CLUH: variants seen among roughly 807,000 people sequenced by gnomAD.
The protein encoded by CLUH is clustered mitochondria protein homolog.
In CLUH, 77 loss-of-function variants were observed where a neutral mutation model predicts 139.3. The ratio of observed to expected loss-of-function variants is 0.55; its 90% confidence interval spans 0.46 to 0.67. The LOEUF (loss-of-function observed/expected upper bound fraction) is 0.67, where lower values mean the gene tolerates loss of function less well. CLUH is among the 30% of genes least tolerant of loss of function. CLUH has a pLI of 0.00. For missense variants in CLUH, 1,876 were observed against 1,875.8 expected (o/e 1.00, Z 0.00); for synonymous variants, 999 against 801.6 (o/e 1.25, Z -4.16).
chr17:2,700,394 C>A lies in CLUH; in HGVS notation c.1254G>T (p.Arg418Ser). Residue 418 changes from arginine (R) to serine (S), a missense_variant, in exon 9 of 26, where the codon AGG (arginine) becomes AGT (serine). Arg to Ser is a moderately radical substitution (Grantham distance 110, BLOSUM62 -1). Coordinates refer to ENST00000651024, the MANE Select transcript of CLUH (RefSeq NM_001366661.1). ...AGGCTGCAGGCACCTTGAATATGGC[C>A]CTTTCTCGGAGCAGCCGCTCAGGCA... ...KNLPERLLRERAIFKVHSDFT... is the reference protein window; with the variant it reads ...KNLPERLLRESAIFKVHSDFT... 1 of 1,612,980 alleles carries A rather than the reference C, an allele frequency of 6.2e-7. No homozygotes were observed. The highest frequency in any genetic ancestry group is 1.1e-5 in the South Asian group (1 of 90,852).
rs777129865 is a variant in CLUH, at chr17:2,701,383, C to T, written c.882G>A (p.Arg294=). ...GGACTCACTGATTCAGGTAAAAGCCCCGTGTGGACGCGGTGATGCTGACTT... is the reference window on the plus strand; with the variant it reads ...GGACTCACTGATTCAGGTAAAAGCCTCGTGTGGACGCGGTGATGCTGACTT... ...DRQVSITAST[R]GFYLNQSTAY... Residue 294 remains arginine (R), a synonymous_variant, in exon 6 of 26, where the codon CGG becomes CGA. Transcript: ENST00000651024. 43 of 1,608,376 alleles carry T rather than the reference C, an allele frequency of 2.7e-5. 1 individual carries two copies. In the South Asian group the frequency reaches 4.2e-4, roughly 16 times the overall value.
In CLUH at chr17:2,690,126, C is replaced by G. The variant is rs1284850615; in HGVS notation, c.*468G>C. Reference sequence around the variant, plus strand: ...ACCCTGAACTTTCAGACAGGCTGGGCCCGGGGGTGGTGGCAGCCAAAGCAG... The same window carrying G: ...ACCCTGAACTTTCAGACAGGCTGGGGCCGGGGGTGGTGGCAGCCAAAGCAG... On this transcript the variant is annotated 3_prime_UTR_variant, in exon 26 of 26. Coordinates refer to ENST00000651024, the MANE Select transcript of CLUH (RefSeq NM_001366661.1). 6.4e-6 allele frequency: 1 copy of G among 155,984 alleles called. No individual in the cohort carries two copies. The highest frequency in any genetic ancestry group is 1.9e-4 in the East Asian group (1 of 5,298). The allele number at this position is 155,984 out of a possible 1,614,324, so 9.7% of individuals were successfully genotyped here. A position where few individuals can be genotyped will look rare whatever the true frequency, so the allele number is the denominator to read the frequency against.
Position 2,695,274 on chromosome 17 carries a change from C to T in CLUH, c.2551G>A (p.Gly851Ser), listed in dbSNP as rs370270067. 5.0e-5 allele frequency: 81 copies of T among 1,613,732 alleles called. No homozygotes were observed. Among genetic ancestry groups the T allele is most frequent in the Non-Finnish European group, 6.1e-5 (72 of 1,179,852 alleles). ...GAGCGGGTGATGAGTTCTCCAATGC[C>T]GATTTTCTGGAAGGATTCAGAAGGG... ...RHQLDHVFKI[G>S]IGELITRSAK... Residue 851 changes from glycine (G) to serine (S), a missense_variant, in exon 15 of 26, where the codon GGC becomes AGC. Physicochemically the swap from Gly to Ser is moderately conservative, Grantham distance 56. Transcript: ENST00000651024.
In CLUH at chr17:2,702,077, G is replaced by A. The variant is rs779592942; in HGVS notation, c.476-20C>T. The A allele has an allele frequency of 3.1e-6, 5 of 1,610,974 alleles. No homozygotes were observed. Among genetic ancestry groups the A allele is most frequent in the Non-Finnish European group, 3.4e-6 (4 of 1,178,820 alleles). ...ACGGCTCTGTCAGGAAGGCAGGGAG[G>A]GTATGGCGTTACCAGGGCCCTGCAC... On this transcript the variant is annotated intron_variant, in intron 3 of 25. Coordinates refer to ENST00000651024, the MANE Select transcript of CLUH (RefSeq NM_001366661.1).
chr17:2,697,824 C>T, intron 10 of CLUH, 72 bp downstream of exon 10: 1 of 1,376,800 alleles, frequency 7.3e-7, no homozygotes, highest in Non-Finnish European at 9.6e-7. Flanking sequence ...AGGACCCAAC[C>T]CCGGATCCAC....
chr17:2,702,131 G>A, intron 3 of CLUH, 74 bp from the exon 4 acceptor site: 1 of 1,538,044 alleles, frequency 6.5e-7, no homozygotes. Context: ...CACAAAACAG[G>A]TTTTGGAGGT....
At chr17:2,693,872 G>C in intron 19 of CLUH, 28 bp downstream of exon 19, 1 of 1,588,900 alleles carries the variant, frequency 6.3e-7, no homozygotes, top group South Asian at 1.1e-5. Context: ...ACGAGGCCAG[G>C]CCTTTGCTGC....
chr17:2,700,636 G>A, intron 8 of CLUH, 42 bp downstream of exon 8: 4 of 1,517,328 alleles, frequency 2.6e-6, no homozygotes, highest in Non-Finnish European at 3.5e-6. Context: ...GCACCCAGGA[G>A]GGCAGGGGTG....
At position 2,694,123 on chromosome 17, in the gene CLUH, C is replaced by A. The variant is rs897288009; in HGVS notation, c.3091G>T (p.Gly1031Cys). The change falls in exon 18 of 26, where the codon GGC becomes TGC. Residue 1031 changes from glycine to cysteine, a missense_variant and splice_region_variant. This residue lies in a region of CLUH where 1,454 missense variants were observed against 1,384.4 expected (regional missense o/e 1.05). Transcript: ENST00000651024. Reference sequence around the variant, plus strand: ...CACCCAGCCCCACCTGGCCACACACCCTGCTGCACTTTGGCCTGCCCGCTC... The same window carrying A: ...CACCCAGCCCCACCTGGCCACACACACTGCTGCACTTTGGCCTGCCCGCTC... ...FQSGQAKVQQ[G>C]FLKEGCELIN... 13 of 1,613,754 alleles carry A rather than the reference C, an allele frequency of 8.1e-6. No individual in the cohort carries two copies. The highest frequency in any genetic ancestry group is 1.0e-5 in the Non-Finnish European group (12 of 1,179,846).
Position 2,701,145 on chromosome 17 carries a change from C to T in CLUH, c.1020G>A (p.Lys340=), listed in dbSNP as rs1361167447. 9 of 1,613,858 alleles carry T rather than the reference C, an allele frequency of 5.6e-6. No individual in the cohort carries two copies. The African/African-American group carries it at 1.1e-4, about 19-fold the overall frequency. Residue 340 remains lysine, a synonymous_variant, in exon 7 of 26, where the codon AAG becomes AAA. Transcript: ENST00000651024. ...TFKKNFAVLQ[K]KRVQRHPFER... ...GGAGGGGACAAAGGCACTACCTTTT[C>T]TTCTGCAGCACAGCGAAGTTCTTCT...
chr17:2,708,863 G>T lies in CLUH; in HGVS notation c.100+2699C>A, dbSNP rs939953412. On this transcript the variant is annotated intron_variant, in intron 1 of 25. Transcript: ENST00000651024. ...CGTCCAGGCCTCAGCCTCTACTCGG[G>T]GGGGGGGGAGCAGAACTATCCCAGT... 4.5e-4 allele frequency among the ~76,000 whole-genome samples: 33 copies of T among 73,504 alleles called. 1 individual carries two copies. Among genetic ancestry groups the T allele is most frequent in the South Asian group, 1.8e-3 (3 of 1,638 alleles). The allele number at this position is 73,504 out of a possible 152,430, so 48.2% of individuals were successfully genotyped here.
chr17:2,696,638 C>T, intron 11 of CLUH, 81 bp downstream of exon 11: 2 of 1,557,600 alleles, frequency 1.3e-6, no homozygotes, highest in Non-Finnish European at 1.7e-6. Context: ...AGATGTCTGC[C>T]AGCCTCTCCC....
chr17:2,695,949 A>G (rs2069923709), intron 13 of CLUH: 1 of 595,048 alleles, frequency 1.7e-6, no homozygotes, highest in Admixed American at 3.0e-5. Context: ...CTGGATTACC[A>G]GCTGCCAGCC....
In CLUH at chr17:2,704,602, C is replaced by T. The variant is rs1418699824; in HGVS notation, c.101-38G>A. 12 of 1,510,968 alleles carry T rather than the reference C, an allele frequency of 7.9e-6. No individual in the cohort carries two copies. Among genetic ancestry groups the T allele is most frequent in the Middle Eastern group, 2.2e-4 (1 of 4,502 alleles). 93.6% of individuals were successfully genotyped at this position (1,510,968 alleles called of 1,614,324 possible). A position where few individuals can be genotyped will look rare whatever the true frequency, so the allele number is the denominator to read the frequency against. On this transcript the variant is annotated intron_variant, in intron 1 of 25. Coordinates refer to ENST00000651024, the MANE Select transcript of CLUH (RefSeq NM_001366661.1). The surrounding 1 kb of genome is among the most constrained non-coding windows in gnomAD (Gnocchi z 5.7). ...AGAACGGGTCAGAATCAGGCAGCCTCGCTGGTCGGCGGGGCTGTCCGCCTG... is the reference window on the plus strand; with the variant it reads ...AGAACGGGTCAGAATCAGGCAGCCTTGCTGGTCGGCGGGGCTGTCCGCCTG...
chr17:2,694,795 C>A, intron 16 of CLUH, 62 bp downstream of exon 16: 1 of 1,459,740 alleles, frequency 6.9e-7, no homozygotes, highest in Non-Finnish European at 9.1e-7. Flanking sequence ...CATCTGGGAG[C>A]AGGTGGTGGC....
Position 2,693,943 on chromosome 17 carries a change from CG to C in CLUH, c.3187del (p.Arg1063AlafsTer17). 1 of 1,613,370 alleles carries C rather than the reference CG, an allele frequency of 6.2e-7. No homozygotes were observed. Among genetic ancestry groups the C allele is most frequent in the Non-Finnish European group, 8.5e-7 (1 of 1,179,750 alleles). Reference sequence around the variant, plus strand: ...GATGTAGTGGAGGCGGGCGAGGAGGCGCAGGCAGGCGCAGGTCTCCACGTGC... The same window carrying C: ...GATGTAGTGGAGGCGGGCGAGGAGGCCAGGCAGGCGCAGGTCTCCACGTGC... The part of the protein sequence containing the change: ...AMHVETCACL[R>X]LLARLHYIMG... On this transcript the variant is annotated frameshift_variant, in exon 19 of 26. Coordinates refer to ENST00000651024, the MANE Select transcript of CLUH (RefSeq NM_001366661.1). LOFTEE classifies it high-confidence loss of function.
Position 2,691,629 on chromosome 17 carries a change from G to A in CLUH, c.3843C>T (p.Gly1281=), listed in dbSNP as rs551313007. 32 of 1,612,848 alleles carry A rather than the reference G, an allele frequency of 2.0e-5. No individual in the cohort carries two copies. The highest frequency in any genetic ancestry group is 4.0e-5 in the African/African-American group (3 of 75,020). The change falls in exon 25 of 26, where the codon GGC becomes GGT. Residue 1281 remains glycine, a synonymous_variant. Coordinates refer to ENST00000651024, the MANE Select transcript of CLUH (RefSeq NM_001366661.1). ...CTCACCTGAGAGGAATGAAGAGGAT[G>A]CCGTTAATGACGTTCAGCTGCTCCA... ...SVLEQLNVIN[G]ILFIPLSQKD... is the part of the protein sequence containing the mutation.
Position 2,694,096 on chromosome 17 carries a change from TCCACCCAGCC to T in CLUH, c.3091+17_3091+26del. On this transcript the variant is annotated intron_variant, in intron 18 of 25. Transcript: ENST00000651024. ...GGACGGGCCATGGGGAACCCCCACC[TCCACCCAGCC>T]CCACCTGGCCACACACCCTGCTGCA... The T allele has an allele frequency of 6.2e-7, 1 of 1,613,766 alleles. No homozygotes were observed. Among genetic ancestry groups the T allele is most frequent in the Non-Finnish European group, 8.5e-7 (1 of 1,179,806 alleles).
intron 1 of CLUH, chr17:2,708,062 G>A (rs1024104943): frequency 4.2e-6 from 4 of 949,362 alleles, no homozygotes; most frequent in East Asian, 1.2e-4. Context: ...AGAGGCCAGT[G>A]GCCGCACGGC....
Sources: allele counts gnomAD v4.1 joint callset (sites outside exome capture counted in the v4.1 genomes callset), GRCh38; gene constraint gnomAD v4.1.1; regional missense constraint gnomAD v4.1.1; non-coding constraint Gnocchi (gnomAD v3.1); transcripts MANE v1.5; gene names NCBI Gene and HGNC (gene_info 2026-07-23, HGNC 2026-07-21).